Variants in KLHL1 observed in about 807,000 individuals in gnomAD.
KLHL1 encodes the protein kelch like family member 1, also known as kelch-like protein 1.
A neutral mutation model predicts 77.7 loss-of-function variants in KLHL1; 47 were observed. That is an observed-to-expected ratio of 0.60 (90% CI 0.48 to 0.77). The LOEUF is 0.77. Among genes scored for constraint, KLHL1 ranks in the 30% least tolerant of loss-of-function variants. The pLI is 0.00. For synonymous variants in KLHL1, 360 were observed against 325.2 expected (o/e 1.11, Z -1.15); for missense variants, 925 against 910.8 (o/e 1.02, Z -0.20).
chr13:70,089,062 T>G (rs9542174), intron 1 of KLHL1, among the ~76,000 whole-genome samples: 83,530 of 152,002 alleles, frequency 0.55, 23,932 homozygotes, highest in African/African-American at 0.71. Context: ...ACTATGGCAT[T>G]CTAGCCTAGA....
At chr13:70,018,235 A>C (rs1055357409) in intron 1 of KLHL1, among the ~76,000 whole-genome samples, 9 of 152,218 alleles carry the variant, frequency 5.9e-5, no homozygotes, top group Admixed American at 1.3e-4. Context: ...AGTACCCTAT[A>C]ATATTGATTT....
intron 1 of KLHL1, among the ~76,000 whole-genome samples, chr13:70,106,827 T>C (rs1888069632): frequency 1.3e-5 from 2 of 152,182 alleles, no homozygotes; most frequent in Admixed American, 6.5e-5. Context: ...TGCATTCTGA[T>C]GATGTGTAAA....
chr13:69,952,961 G>C (rs920150469), intron 3 of KLHL1, among the ~76,000 whole-genome samples: 2 of 151,244 alleles, frequency 1.3e-5, no homozygotes, highest in African/African-American at 4.8e-5. Context: ...CAAAACTGAA[G>C]TAAAATAATG....
chr13:70,024,855 C>A (rs1331449599), intron 1 of KLHL1, among the ~76,000 whole-genome samples: 5 of 151,758 alleles, frequency 3.3e-5, no homozygotes, highest in Non-Finnish European at 7.4e-5. Context: ...TTTTTAGTAC[C>A]AGAAGAGTCT....
At chr13:69,836,077 C>A (rs1202770307) in intron 6 of KLHL1, among the ~76,000 whole-genome samples, 2 of 151,922 alleles carry the variant, frequency 1.3e-5, no homozygotes, top group African/African-American at 2.4e-5. Context: ...GCCTGAAGTC[C>A]CAGAAAGAGG....
chr13:69,972,470 A>C (rs79548308), intron 2 of KLHL1, among the ~76,000 whole-genome samples: 4,230 of 151,960 alleles, frequency 0.028, 325 homozygotes, highest in East Asian at 0.27. Context: ...TTAAGTTTTC[A>C]TTTGATCATG....
At chr13:69,898,622 T>C (rs890507713) in intron 4 of KLHL1, among the ~76,000 whole-genome samples, 2 of 152,202 alleles carry the variant, frequency 1.3e-5, no homozygotes, top group African/African-American at 2.4e-5. Context: ...TTATTATATA[T>C]GCATTGTTTA....
At chr13:70,017,902 C>T (rs1238351677) in intron 1 of KLHL1, among the ~76,000 whole-genome samples, 2 of 152,014 alleles carry the variant, frequency 1.3e-5, no homozygotes, top group East Asian at 3.9e-4. Flanking sequence ...CAAGTCTTAT[C>T]CAATACTATT....
In KLHL1 at chr13:69,839,073, C is replaced by T. The variant is rs893343935; in HGVS notation, c.1317G>A (p.Leu439=). The change falls in exon 6 of 11, where the codon TTG becomes TTA. Residue 439 remains leucine, a synonymous_variant. Coordinates refer to ENST00000377844, the MANE Select transcript of KLHL1 (RefSeq NM_020866.3). The stretch of plus-strand genomic sequence containing the variant: ...TTTGCATTAAAGTTCTTCTTTCTGG[C>T]AATAGATGGTATTTCATTGCTTCTA... ...LILEAMKYHL[L]PERRTLMQSP... The T allele has an allele frequency of 1.2e-6, 2 of 1,610,456 alleles. No individual in the cohort carries two copies. Among genetic ancestry groups the T allele is most frequent in the East Asian group, 2.2e-5 (1 of 44,658 alleles).
At position 70,082,701 on chromosome 13, in the gene KLHL1, C is replaced by T. The variant is rs1887426663; in HGVS notation, c.497+24502G>A. ...ATGCTGAAGTTTGGGGTAGCAAAGA[C>T]ACAGAATCAACCCAGGTACCCATGC... On this transcript the variant is annotated intron_variant, in intron 1 of 10. Coordinates refer to ENST00000377844, the MANE Select transcript of KLHL1 (RefSeq NM_020866.3). Among the ~76,000 whole-genome samples, 8 of 152,068 alleles carry T rather than the reference C, an allele frequency of 5.3e-5. No homozygotes were observed. In the South Asian group the frequency reaches 1.7e-3, roughly 32 times the overall value.
intron 8 of KLHL1, among the ~76,000 whole-genome samples, chr13:69,735,562 TATAA>T (rs894143808): frequency 1.1e-4 from 16 of 149,424 alleles, no homozygotes; most frequent in South Asian, 8.4e-4. Context: ...TATAAATAGA[TATAA>T]ATAAACACAT....
intron 7 of KLHL1, among the ~76,000 whole-genome samples, chr13:69,756,281 G>T (rs1874731434): frequency 6.6e-6 from 1 of 152,084 alleles, no homozygotes; most frequent in South Asian, 2.1e-4. Flanking sequence ...TACAGAAAGG[G>T]ATAATACTAG....
chr13:69,783,729 C>T (rs150025080), intron 7 of KLHL1, among the ~76,000 whole-genome samples: 1 of 105,894 alleles, frequency 9.4e-6, no homozygotes, highest in South Asian at 3.2e-4. Flanking sequence ...GTGACGGGGA[C>T]AATGGAACCA....
intron 1 of KLHL1, among the ~76,000 whole-genome samples, chr13:70,045,675 T>C (rs947614185): frequency 1.3e-5 from 2 of 152,196 alleles, no homozygotes; most frequent in African/African-American, 4.8e-5. Context: ...TTTATTCTTA[T>C]AAACACATAT....
chr13:69,917,786 C>A (rs17085645), intron 4 of KLHL1, among the ~76,000 whole-genome samples: 2 of 152,004 alleles, frequency 1.3e-5, no homozygotes, highest in Non-Finnish European at 2.9e-5. Flanking sequence ...TAACATTCCA[C>A]GTATCTTTTG....
intron 4 of KLHL1, among the ~76,000 whole-genome samples, chr13:69,906,670 C>A (rs947783335): frequency 6.6e-6 from 1 of 151,732 alleles, no homozygotes; most frequent in African/African-American, 2.4e-5. Context: ...AAGCTTCATT[C>A]TTTCAGGCCT....
rs199624721 is a variant in KLHL1, at chr13:69,989,263, GT to G, written c.498-13462del. Reference sequence around the variant, plus strand: ...TTTGTCACCTTTGTCAAAAATCATGGTTGTAGGTATGTGGCTTTATTTCATG... The same window carrying G: ...TTTGTCACCTTTGTCAAAAATCATGGTGTAGGTATGTGGCTTTATTTCATG... On this transcript the variant is annotated intron_variant, in intron 1 of 10. Coordinates refer to ENST00000377844, the MANE Select transcript of KLHL1 (RefSeq NM_020866.3). 8.4e-3 allele frequency among the ~76,000 whole-genome samples: 1,278 copies of G among 151,934 alleles called. 13 individuals carry two copies. Among genetic ancestry groups the G allele is most frequent in the African/African-American group, 0.022 (893 of 41,462 alleles).
intron 5 of KLHL1, among the ~76,000 whole-genome samples, chr13:69,863,970 G>A (rs1299313584): frequency 2.0e-5 from 3 of 151,866 alleles, no homozygotes; most frequent in Non-Finnish European, 4.4e-5. Flanking sequence ...ATGTTGAAAA[G>A]CTCAAATTAC....
chr13:69,979,869 AT>A (rs2137297623), intron 1 of KLHL1, among the ~76,000 whole-genome samples: 1 of 152,324 alleles, frequency 6.6e-6, no homozygotes, highest in East Asian at 1.9e-4. Context: ...AACCATAGCT[AT>A]ACTATTCTAT....
Sources: allele counts gnomAD v4.1 joint callset (sites outside exome capture counted in the v4.1 genomes callset), GRCh38; gene constraint gnomAD v4.1.1; transcripts MANE v1.5; gene names NCBI Gene and HGNC (gene_info 2026-07-23, HGNC 2026-07-21).